NOS1AP: variants seen among roughly 807,000 people sequenced by gnomAD.
NOS1AP encodes the protein carboxyl-terminal PDZ ligand of neuronal nitric oxide synthase protein.
In NOS1AP, 21 loss-of-function variants were observed where a neutral mutation model predicts 56.2. The observed-to-expected ratio is 0.37, with a 90% CI of 0.26 to 0.54. The LOEUF is 0.54. Among genes scored for constraint, NOS1AP ranks in the 20% least tolerant of loss-of-function variants. The pLI, the probability that NOS1AP is intolerant of heterozygous loss-of-function variation, is 0.84. For synonymous variants in NOS1AP, 270 were observed against 274.6 expected (o/e 0.98, Z 0.17); for missense variants, 522 against 657.8 (o/e 0.79, Z 2.26).
intron 2 of NOS1AP, among the ~76,000 whole-genome samples, chr1:162,274,788 A>G (rs1654687357): frequency 6.6e-6 from 1 of 152,216 alleles, no homozygotes; most frequent in Non-Finnish European, 1.5e-5. Flanking sequence ...TCCTCCTGTT[A>G]GACAAAAACA....
At chr1:162,104,470 G>A (rs1373502534) in intron 1 of NOS1AP, among the ~76,000 whole-genome samples, 1 of 152,066 alleles carries the variant, frequency 6.6e-6, no homozygotes, top group Non-Finnish European at 1.5e-5. Flanking sequence ...CTAGGTTGGG[G>A]TAGTTCTCCT....
intron 3 of NOS1AP, among the ~76,000 whole-genome samples, chr1:162,297,871 G>A (rs1224470815): frequency 6.6e-6 from 1 of 152,104 alleles, no homozygotes; most frequent in African/African-American, 2.4e-5. Context: ...GGGCAGCCTG[G>A]CTAGGAACTT....
At chr1:162,081,774 A>ATATATTTTTTTT in intron 1 of NOS1AP, among the ~76,000 whole-genome samples, 5 of 44,058 alleles carry the variant, frequency 1.1e-4, no homozygotes, top group African/African-American at 3.1e-4. Context: ...ATATATATAT[A>ATATATTTTTTTT]TTTTTTTTTT....
intron 2 of NOS1AP, among the ~76,000 whole-genome samples, chr1:162,182,691 G>A (rs888163087): frequency 9.9e-5 from 15 of 152,164 alleles, no homozygotes; most frequent in African/African-American, 3.4e-4. Context: ...GGTCTACAGG[G>A]AGTATATTCC....
At chr1:162,364,834 C>T in intron 8 of NOS1AP, 1 of 989,186 alleles carries the variant, frequency 1.0e-6, no homozygotes, top group Non-Finnish European at 1.2e-6. Flanking sequence ...ATTTAAAAAG[C>T]CATGTGTAGT....
At chr1:162,269,201 T>C (rs758382102) in intron 2 of NOS1AP, among the ~76,000 whole-genome samples, 10 of 152,226 alleles carry the variant, frequency 6.6e-5, no homozygotes, top group Non-Finnish European at 1.3e-4. Context: ...CTTAAGCTCA[T>C]TGAGTTTGAG....
chr1:162,350,021 G>A (rs1571237213), intron 6 of NOS1AP, among the ~76,000 whole-genome samples: 2 of 152,186 alleles, frequency 1.3e-5, no homozygotes, highest in Non-Finnish European at 2.9e-5. Flanking sequence ...TCTTCTTACT[G>A]TAAATGCTTC....
intron 2 of NOS1AP, among the ~76,000 whole-genome samples, chr1:162,159,032 G>A (rs10918790): frequency 0.46 from 69,260 of 152,150 alleles, 19,486 homozygotes; most frequent in Non-Finnish European, 0.62. Context: ...CGCTTGCTTG[G>A]AGGTTGCTGG....
At position 162,256,739 on chromosome 1, in the gene NOS1AP, G is replaced by T. The variant is rs181711908; in HGVS notation, c.178-30605G>T. Among the ~76,000 whole-genome samples the T allele has an allele frequency of 2.1e-3, 313 of 152,320 alleles. 4 individuals carry two copies. Among genetic ancestry groups the T allele is most frequent in the Non-Finnish European group, 8.5e-4 (58 of 68,032 alleles). On this transcript the variant is annotated intron_variant, in intron 2 of 9. Coordinates refer to ENST00000361897, the MANE Select transcript of NOS1AP (RefSeq NM_014697.3). ...AGTAACGGGGTCTCCTATCTCTTAAGAGCAGAGTAGTTGATGTTGCAAATG... is the reference window on the plus strand; with the variant it reads ...AGTAACGGGGTCTCCTATCTCTTAATAGCAGAGTAGTTGATGTTGCAAATG...
intron 1 of NOS1AP, among the ~76,000 whole-genome samples, chr1:162,103,367 T>C (rs562927486): frequency 4.6e-4 from 70 of 152,352 alleles, no homozygotes; most frequent in Non-Finnish European, 7.5e-4. Flanking sequence ...TGATCAATTT[T>C]ACAGTAAGTG....
intron 5 of NOS1AP, among the ~76,000 whole-genome samples, chr1:162,336,774 A>G (rs1656953446): frequency 1.3e-5 from 2 of 152,248 alleles, no homozygotes; most frequent in Admixed American, 1.3e-4. Flanking sequence ...CTAGCCATCA[A>G]ATAAGATGAA....
intron 2 of NOS1AP, among the ~76,000 whole-genome samples, chr1:162,183,730 C>T (rs1056465957): frequency 6.6e-6 from 1 of 152,244 alleles, no homozygotes; most frequent in African/African-American, 2.4e-5. Flanking sequence ...TCTGCAGCTT[C>T]GTTCCCTCTC....
At chr1:162,213,022 T>C (rs113866561) in intron 2 of NOS1AP, among the ~76,000 whole-genome samples, 131 of 152,208 alleles carry the variant, frequency 8.6e-4, no homozygotes, top group African/African-American at 3.0e-3. Flanking sequence ...CTGAATAATA[T>C]GGGGTGGATC....
chr1:162,078,962 C>T (rs1300463118), intron 1 of NOS1AP, among the ~76,000 whole-genome samples: 3 of 152,194 alleles, frequency 2.0e-5, no homozygotes, highest in South Asian at 4.1e-4. Context: ...CCGTGTCTTC[C>T]ACAGCCCTGA....
At chr1:162,287,572 T>TGG (rs2101737937) in intron 3 of NOS1AP, 136 bp downstream of exon 3, 1 of 731,982 alleles carries the variant, frequency 1.4e-6, no homozygotes, top group East Asian at 2.6e-5. Context: ...TGAGCAGCAA[T>TGG]GGTGCTGACA....
chr1:162,159,148 T>C (rs556260046), intron 2 of NOS1AP, among the ~76,000 whole-genome samples: 11 of 152,148 alleles, frequency 7.2e-5, no homozygotes, highest in South Asian at 2.1e-4. Flanking sequence ...TTTGGTATGA[T>C]TTGCATTAGT....
intron 2 of NOS1AP, among the ~76,000 whole-genome samples, chr1:162,176,919 G>A (rs7534004): frequency 0.22 from 32,920 of 152,130 alleles, 3,969 homozygotes; most frequent in East Asian, 0.39. Context: ...CTGCTATAGC[G>A]ATTCATATGC....
chr1:162,284,483 A>G (rs1007050342), intron 2 of NOS1AP, among the ~76,000 whole-genome samples: 4 of 152,102 alleles, frequency 2.6e-5, no homozygotes, highest in African/African-American at 7.2e-5. Flanking sequence ...GTCCATCTTC[A>G]TTTTGAAGGA....
chr1:162,269,566 A>C (rs1262757843), intron 2 of NOS1AP, among the ~76,000 whole-genome samples: 6 of 152,180 alleles, frequency 3.9e-5, no homozygotes, highest in Admixed American at 3.3e-4. Context: ...ATTAAAAGGA[A>C]CTCAGTTCAT....
Sources: gnomAD v4.1 joint callset for allele counts (sites outside exome capture counted in the v4.1 genomes callset) on GRCh38, gnomAD v4.1.1 for gene constraint, MANE v1.5 for transcripts, NCBI Gene and HGNC (gene_info 2026-07-23, HGNC 2026-07-21) for gene names.